The following CALN1 variants were observed in gnomAD, a reference collection of about 807,000 sequenced individuals.
CALN1 encodes the protein calneuron 1.
In CALN1, 17 loss-of-function variants were observed where a neutral mutation model predicts 30.6. The ratio of observed to expected loss-of-function variants is 0.56; its 90% CI spans 0.38 to 0.83. The LOEUF is 0.83. Ranked by LOEUF, CALN1 falls within the 40% of genes least tolerant of loss-of-function variation. CALN1 has a pLI of 0.00. For missense variants in CALN1, 291 were observed against 354.9 expected, an observed-to-expected ratio of 0.82 and a Z score of 1.45; for synonymous variants, 156 against 131.4, an observed-to-expected ratio of 1.19 and a Z score of -1.28.
chr7:71,831,871 C>CAAAAAAAAA (rs751078568), intron 5 of CALN1, among the ~76,000 whole-genome samples: 3 of 20,878 alleles, frequency 1.4e-4, no homozygotes, highest in Admixed American at 1.1e-3. Flanking sequence ...AACCCTGCCT[C>CAAAAAAAAA]AAAAAAAAAA....
chr7:72,091,464 T>C (rs1248509523), intron 4 of CALN1, among the ~76,000 whole-genome samples: 1 of 152,238 alleles, frequency 6.6e-6, no homozygotes, highest in African/African-American at 2.4e-5. Flanking sequence ...CACCCTGATT[T>C]GATCATCACA....
intron 3 of CALN1, among the ~76,000 whole-genome samples, chr7:72,238,004 CAG>C (rs1167838054): frequency 6.6e-6 from 1 of 152,166 alleles, no homozygotes; most frequent in Non-Finnish European, 1.5e-5. Flanking sequence ...ACTCCAAAAA[CAG>C]AGGTGGCATT....
At chr7:72,396,937 G>T (rs1398819313) in intron 2 of CALN1, among the ~76,000 whole-genome samples, 1 of 152,106 alleles carries the variant, frequency 6.6e-6, no homozygotes, top group Non-Finnish European at 1.5e-5. Context: ...GTAAGACAGG[G>T]TCTGTCTGTG....
At chr7:72,191,339 C>A (rs999472169) in intron 3 of CALN1, among the ~76,000 whole-genome samples, 1 of 152,048 alleles carries the variant, frequency 6.6e-6, no homozygotes, top group Non-Finnish European at 1.5e-5. Flanking sequence ...TGGTGGCTCA[C>A]GACTGTAATT....
At chr7:72,170,392 C>T (rs1028890453) in intron 3 of CALN1, among the ~76,000 whole-genome samples, 5 of 152,188 alleles carry the variant, frequency 3.3e-5, no homozygotes, top group Non-Finnish European at 7.3e-5. Flanking sequence ...TTAGCAATCA[C>T]CATTCAGTCT....
chr7:72,369,349 T>TATTA (rs141278076), intron 2 of CALN1, among the ~76,000 whole-genome samples: 1 of 82,480 alleles, frequency 1.2e-5, no homozygotes, highest in African/African-American at 3.7e-5. Context: ...ATATTATAAA[T>TATTA]ATTTATTTTT....
chr7:71,949,600 G>A (rs181131129), intron 5 of CALN1, among the ~76,000 whole-genome samples: 115 of 151,624 alleles, frequency 7.6e-4, no homozygotes, highest in African/African-American at 2.5e-3. Flanking sequence ...GGGTGATCTC[G>A]AACTCCTGAC....
the CALN1 span, among the ~76,000 whole-genome samples, chr7:72,485,170 G>T: frequency 6.6e-6 from 1 of 152,166 alleles, no homozygotes; most frequent in Non-Finnish European, 1.5e-5. Flanking sequence ...ACAGAAGATG[G>T]GTTGAGCCCA....
intron 2 of CALN1, among the ~76,000 whole-genome samples, chr7:72,313,223 AC>A (rs1800184310): frequency 6.6e-6 from 1 of 152,168 alleles, no homozygotes; most frequent in African/African-American, 2.4e-5. Flanking sequence ...TTAGAGGTCA[AC>A]CCAGATGAGT....
At chr7:72,322,012 G>A (rs1006588613) in intron 2 of CALN1, among the ~76,000 whole-genome samples, 79 of 152,222 alleles carry the variant, frequency 5.2e-4, no homozygotes, top group Non-Finnish European at 1.0e-3. Context: ...GGGCAGGAGA[G>A]GATGGTTTGG....
intron 3 of CALN1, among the ~76,000 whole-genome samples, chr7:72,205,422 T>C (rs1791755135): frequency 6.6e-6 from 1 of 150,404 alleles, no homozygotes; most frequent in Non-Finnish European, 1.5e-5. Context: ...GGCTGGTCTC[T>C]AACTCCTGAC....
chr7:71,904,837 A>G (rs1462829880), intron 5 of CALN1, among the ~76,000 whole-genome samples: 4 of 152,218 alleles, frequency 2.6e-5, no homozygotes. Context: ...TTTTTTTTAA[A>G]TGTAAAAATG....
At chr7:72,115,095 TATATATATAGTATA>T (rs1453171777) in intron 3 of CALN1, among the ~76,000 whole-genome samples, 7 of 147,850 alleles carry the variant, frequency 4.7e-5, no homozygotes, top group South Asian at 2.1e-4. Context: ...GACATTATAC[TATATATATAGTATA>T]ATATATATAG....
chr7:71,798,130 AGAGAG>A (rs1787065974), intron 6 of CALN1, among the ~76,000 whole-genome samples: 1 of 61,246 alleles, frequency 1.6e-5, no homozygotes, highest in Non-Finnish European at 3.5e-5. Context: ...AGACAGAGAG[AGAGAG>A]AGAGAGAGAG....
intron 2 of CALN1, among the ~76,000 whole-genome samples, chr7:72,323,917 G>A (rs1256355838): frequency 1.3e-5 from 2 of 151,916 alleles, no homozygotes; most frequent in South Asian, 2.1e-4. Context: ...TGTGGCACAC[G>A]TCTATAGTCC....
At position 71,786,993 on chromosome 7, in the gene CALN1, G is replaced by A. The variant is rs1482760838; in HGVS notation, c.*782C>T. On this transcript the variant is annotated 3_prime_UTR_variant, in exon 7 of 7. Coordinates refer to ENST00000395275, the MANE Select transcript of CALN1 (RefSeq NM_031468.4). ...CTGTCTATGTTATAGAGATGCCCAC[G>A]ATTATGCTTCTTTTTTTCTCTAATG... 4.6e-5 allele frequency: 7 copies of A among 152,780 alleles called. No individual in the cohort carries two copies. The highest frequency in any genetic ancestry group is 1.4e-4 in the African/African-American group (6 of 41,576). 9.5% of individuals were successfully genotyped at this position (152,780 alleles called of 1,614,324 possible).
At chr7:72,024,176 C>T (rs1290140276) in intron 4 of CALN1, among the ~76,000 whole-genome samples, 1 of 152,142 alleles carries the variant, frequency 6.6e-6, no homozygotes, top group African/African-American at 2.4e-5. Flanking sequence ...CTTGATTTCA[C>T]CTCTTAAGTA....
intron 2 of CALN1, among the ~76,000 whole-genome samples, chr7:72,397,436 T>C (rs2129561779): frequency 2.6e-5 from 4 of 152,264 alleles, no homozygotes; most frequent in South Asian, 2.1e-4. Flanking sequence ...GAATGTTGCC[T>C]GGTCATCTCC....
At chr7:71,813,051 T>C (rs1788057490) in intron 5 of CALN1, among the ~76,000 whole-genome samples, 1 of 151,920 alleles carries the variant, frequency 6.6e-6, no homozygotes, top group Non-Finnish European at 1.5e-5. Context: ...CGAGTTCAAG[T>C]GATCCTTCTG....
Sources: allele counts gnomAD v4.1 joint callset (sites outside exome capture counted in the v4.1 genomes callset), GRCh38; gene constraint gnomAD v4.1.1; transcripts MANE v1.5; gene names NCBI Gene and HGNC (gene_info 2026-07-23, HGNC 2026-07-21).